PATJ: variants seen among roughly 807,000 people sequenced by gnomAD.
PATJ encodes the protein PATJ crumbs cell polarity complex component.
A neutral mutation model predicts 224.9 loss-of-function variants in PATJ; 190 were observed. The ratio of observed to expected loss-of-function variants is 0.84; its 90% CI spans 0.75 to 0.95. The LOEUF (loss-of-function observed/expected upper bound fraction) is 0.95, where lower values mean the gene tolerates loss of function less well. PATJ is among the 40% of genes least tolerant of loss of function. The pLI is 0.00. For missense variants in PATJ, 2,121 were observed against 2,270.3 expected (o/e 0.93, Z 1.34); for synonymous variants, 769 against 820.3 (o/e 0.94, Z 1.07).
chr1:61,838,098 G>T (rs1660474132), intron 17 of PATJ, among the ~76,000 whole-genome samples: 1 of 152,106 alleles, frequency 6.6e-6, no homozygotes, highest in Non-Finnish European at 1.5e-5. Flanking sequence ...ATGTGATTAG[G>T]TTATAAGTTT....
In PATJ at chr1:61,748,248, T is replaced by TC. The variant is rs1357559771; in HGVS notation, c.-36+5693_-36+5694insC. Reference sequence around the variant, plus strand: ...CTATGTGTATACTGCCTTAATGCCTTTTTTTTTTTTTTTTTTTTTTTTTTT... The same window carrying TC: ...CTATGTGTATACTGCCTTAATGCCTTCTTTTTTTTTTTTTTTTTTTTTTTTT... On this transcript the variant is annotated intron_variant, in intron 1 of 43. Coordinates refer to ENST00000642238, the MANE Select transcript of PATJ (RefSeq NM_001350145.3). Among the ~76,000 whole-genome samples, 10 of 117,470 alleles carry TC rather than the reference T, an allele frequency of 8.5e-5. 1 individual carries two copies. 77.1% of individuals were successfully genotyped at this position (117,470 alleles called of 152,430 possible). A position where few individuals can be genotyped will look rare whatever the true frequency, so the allele number is the denominator to read the frequency against.
chr1:61,878,183 C>G (rs1017285411), intron 21 of PATJ, among the ~76,000 whole-genome samples: 6 of 152,186 alleles, frequency 3.9e-5, no homozygotes, highest in Admixed American at 6.5e-5. Context: ...TCTGAAAACT[C>G]TGGTTTTAAG....
chr1:61,904,532 T>A (rs1020498216), intron 24 of PATJ, among the ~76,000 whole-genome samples: 1 of 152,262 alleles, frequency 6.6e-6, no homozygotes, highest in Non-Finnish European at 1.5e-5. Flanking sequence ...ACCACCACAA[T>A]TGAGAAACTC....
At chr1:62,066,415 A>C (rs1013902589) in intron 31 of PATJ, among the ~76,000 whole-genome samples, 1 of 151,200 alleles carries the variant, frequency 6.6e-6, no homozygotes, top group Non-Finnish European at 1.5e-5. Context: ...ACAGGGTCAC[A>C]CTCTGTCGCC....
chr1:62,054,784 C>T (rs1274256216), intron 31 of PATJ, among the ~76,000 whole-genome samples: 2 of 152,084 alleles, frequency 1.3e-5, no homozygotes, highest in Admixed American at 1.3e-4. Flanking sequence ...TCGCGGGGTA[C>T]GGTGATTCAT....
chr1:61,808,702 G>T (rs11800552), intron 14 of PATJ, among the ~76,000 whole-genome samples, 172 bp downstream of exon 14: 7 of 151,928 alleles, frequency 4.6e-5, no homozygotes, highest in Admixed American at 3.9e-4. Flanking sequence ...TTTTTTTATC[G>T]TTTGAAGAAC....
chr1:62,026,906 C>T (rs1648059512), intron 29 of PATJ, among the ~76,000 whole-genome samples: 1 of 152,132 alleles, frequency 6.6e-6, no homozygotes, highest in Non-Finnish European at 1.5e-5. Flanking sequence ...AGAGATATTT[C>T]TATTTCCGTG....
chr1:62,156,051 C>G (rs1345702453), intron 43 of PATJ, among the ~76,000 whole-genome samples: 10 of 52,066 alleles, frequency 1.9e-4, no homozygotes, highest in African/African-American at 7.6e-4. Context: ...GAGCAAGACT[C>G]TGTAAAAAAA....
At chr1:61,938,758 G>A (rs1428737730) in intron 27 of PATJ, among the ~76,000 whole-genome samples, 1 of 152,006 alleles carries the variant, frequency 6.6e-6, no homozygotes, top group African/African-American at 2.4e-5. Context: ...TAAAATTGGT[G>A]TAGAAATAGT....
At chr1:61,851,427 G>A (rs1419502856) in intron 17 of PATJ, among the ~76,000 whole-genome samples, 1 of 152,108 alleles carries the variant, frequency 6.6e-6, no homozygotes, top group African/African-American at 2.4e-5. Flanking sequence ...TCGTGGCTGA[G>A]GGGATGGTTT....
At chr1:61,908,586 C>A in intron 25 of PATJ, 104 bp downstream of exon 25, 1 of 706,614 alleles carries the variant, frequency 1.4e-6, no homozygotes. Context: ...TTGTAGTTCC[C>A]AAACTATATT....
intron 29 of PATJ, among the ~76,000 whole-genome samples, chr1:62,023,563 C>T (rs1480277410): frequency 1.3e-5 from 2 of 152,038 alleles, no homozygotes; most frequent in Non-Finnish European, 2.9e-5. Flanking sequence ...GCTATAGGGA[C>T]ATATAGGAGA....
intron 27 of PATJ, among the ~76,000 whole-genome samples, chr1:61,972,182 T>C (rs530751384): frequency 1.6e-4 from 25 of 152,092 alleles, no homozygotes; most frequent in Admixed American, 9.8e-4. Context: ...ATATATGCCT[T>C]ATACCCAGAG....
intron 14 of PATJ, 58 bp downstream of exon 14, chr1:61,808,588 A>C: frequency 9.2e-7 from 1 of 1,087,082 alleles, no homozygotes; most frequent in Non-Finnish European, 1.4e-6. Context: ...ATAGGGTCTC[A>C]CTATGTTGTC....
At chr1:62,134,289 G>C (rs1188984982) in intron 41 of PATJ, among the ~76,000 whole-genome samples, 1 of 142,622 alleles carries the variant, frequency 7.0e-6, no homozygotes, top group East Asian at 2.1e-4. Context: ...GCCTCCCAAA[G>C]TGCTGGGATT....
At chr1:61,811,239 GT>G (rs1455011700) in intron 14 of PATJ, among the ~76,000 whole-genome samples, 1 of 152,014 alleles carries the variant, frequency 6.6e-6, no homozygotes, top group African/African-American at 2.4e-5. Flanking sequence ...GTAGGCTCTT[GT>G]TTTTTGAGAC....
intron 37 of PATJ, among the ~76,000 whole-genome samples, chr1:62,118,883 C>T (rs1436071977): frequency 1.3e-5 from 2 of 152,142 alleles, no homozygotes; most frequent in South Asian, 2.1e-4. Context: ...CCACCCACCT[C>T]GGCCTCCCAA....
At chr1:62,040,955 T>C (rs759125959) in intron 30 of PATJ, among the ~76,000 whole-genome samples, 28 of 152,354 alleles carry the variant, frequency 1.8e-4, no homozygotes, top group South Asian at 2.1e-4. Flanking sequence ...GTGTTTCTTA[T>C]ATACATGGCA....
intron 28 of PATJ, among the ~76,000 whole-genome samples, chr1:62,011,831 G>T (rs1432241830): frequency 6.6e-6 from 1 of 152,034 alleles, no homozygotes; most frequent in Non-Finnish European, 1.5e-5. Flanking sequence ...AGGTGCAGTT[G>T]TATGGGACTC....
Sources: gnomAD v4.1 joint callset for allele counts (sites outside exome capture counted in the v4.1 genomes callset) on GRCh38, gnomAD v4.1.1 for gene constraint, MANE v1.5 for transcripts, NCBI Gene and HGNC (gene_info 2026-07-23, HGNC 2026-07-21) for gene names.